TIAM1: variants seen among roughly 807,000 people sequenced by gnomAD.
TIAM1 encodes the protein rho guanine nucleotide exchange factor TIAM1.
Under a neutral mutation model 163.5 loss-of-function variants are expected in TIAM1, and 65 were observed. The ratio of observed to expected loss-of-function variants is 0.40; its 90% CI spans 0.33 to 0.49. The LOEUF (loss-of-function observed/expected upper bound fraction) is 0.49. TIAM1 is among the 20% of genes least tolerant of loss of function. TIAM1 has a pLI of 0.77. For synonymous variants in TIAM1, 833 were observed against 810.1 expected (o/e 1.03, Z -0.48); for missense variants, 1,789 against 2,044.7 (o/e 0.87, Z 2.41).
intron 11 of TIAM1, among the ~76,000 whole-genome samples, chr21:31,204,560 A>C (rs2086355969): frequency 6.6e-6 from 1 of 152,220 alleles, no homozygotes; most frequent in Non-Finnish European, 1.5e-5. Flanking sequence ...GCATTCCAAT[A>C]ACCATTCCAG....
At chr21:31,245,379 A>T in intron 6 of TIAM1, 109 bp downstream of exon 6, 53 of 747,918 alleles carry the variant, frequency 7.1e-5, no homozygotes, top group East Asian at 3.4e-4. Flanking sequence ...CACTAAAAAA[A>T]AAAAAAAAAA....
chr21:31,415,434 A>G (rs1264387455), intron 2 of TIAM1, among the ~76,000 whole-genome samples: 1 of 152,320 alleles, frequency 6.6e-6, no homozygotes, highest in African/African-American at 2.4e-5. Flanking sequence ...AAAGTCCAGT[A>G]TCCCCCATGT....
intron 4 of TIAM1, among the ~76,000 whole-genome samples, chr21:31,260,436 A>G (rs887191682): frequency 6.6e-5 from 10 of 151,352 alleles, no homozygotes; most frequent in Non-Finnish European, 1.5e-4. Flanking sequence ...CGGGGGTTTC[A>G]CCATGTAGGC....
chr21:31,413,473 T>A (rs929948781), intron 2 of TIAM1, among the ~76,000 whole-genome samples: 1 of 151,830 alleles, frequency 6.6e-6, no homozygotes, highest in African/African-American at 2.4e-5. Context: ...GGTTTCACCG[T>A]GTTAGCCAGG....
In TIAM1 at chr21:31,411,980, C is replaced by T. The variant is rs570454208; in HGVS notation, c.-369+52003G>A. On this transcript the variant is annotated intron_variant, in intron 2 of 28. Transcript: ENST00000286827. ...AATCGTTATATCAGAAAGACACCTG[C>T]ATTTTATATTTATTGCAGCAGGATT... Among the ~76,000 whole-genome samples the T allele has an allele frequency of 5.3e-5, 8 of 151,040 alleles. No individual in the cohort carries two copies. In the South Asian group the frequency reaches 1.7e-3, roughly 32 times the overall value.
rs572739909 is a variant in TIAM1, at chr21:31,151,781, A to C, written c.3366+855T>G. Among the ~76,000 whole-genome samples the C allele has an allele frequency of 7.9e-5, 12 of 152,300 alleles. No homozygotes were observed. In the South Asian group the frequency reaches 2.5e-3, roughly 32 times the overall value. On this transcript the variant is annotated intron_variant, in intron 19 of 27. Coordinates refer to ENST00000541036, the MANE Select transcript of TIAM1 (RefSeq NM_001353694.2). ...ATGAGGGTGACACGTAAGCCAACAC[A>C]TGAAGCAATGTGCTTTGTTAATTGG...
intron 5 of TIAM1, among the ~76,000 whole-genome samples, chr21:31,247,294 G>C (rs986589243): frequency 1.3e-5 from 2 of 152,064 alleles, no homozygotes; most frequent in Non-Finnish European, 2.9e-5. Flanking sequence ...CTGGGCAACA[G>C]AGCAAGACCC....
At chr21:31,508,065 A>G (rs1406095743) in intron 1 of TIAM1, among the ~76,000 whole-genome samples, 1 of 152,220 alleles carries the variant, frequency 6.6e-6, no homozygotes, top group Non-Finnish European at 1.5e-5. Context: ...GACATGGAAG[A>G]CACAGACAGG....
At chr21:31,338,882 C>A (rs1029764990) in intron 2 of TIAM1, among the ~76,000 whole-genome samples, 2 of 152,162 alleles carry the variant, frequency 1.3e-5, no homozygotes, top group African/African-American at 4.8e-5. Context: ...GCCCCCAAAC[C>A]AGCACGTTGA....
intron 12 of TIAM1, among the ~76,000 whole-genome samples, chr21:31,200,917 T>C (rs968987377): frequency 3.3e-5 from 5 of 152,152 alleles, no homozygotes; most frequent in African/African-American, 1.2e-4. Context: ...CAAGAAATAA[T>C]ACCATGGTCT....
chr21:31,156,767 T>C (rs758265684), intron 16 of TIAM1, among the ~76,000 whole-genome samples: 10 of 152,168 alleles, frequency 6.6e-5, no homozygotes, highest in Non-Finnish European at 1.0e-4. Flanking sequence ...GGACAGACAG[T>C]GATAACAGCT....
intron 2 of TIAM1, among the ~76,000 whole-genome samples, chr21:31,427,342 C>G (rs1772980091): frequency 6.6e-6 from 1 of 151,898 alleles, no homozygotes; most frequent in Non-Finnish European, 1.5e-5. Flanking sequence ...AAAAAATTGG[C>G]CGGGCGTGGT....
At position 31,252,171 on chromosome 21, in the gene TIAM1, C is replaced by T; in HGVS notation, c.982G>A (p.Gly328Ser). The change falls in exon 5 of 28, where the codon GGC (glycine) becomes AGC (serine). Residue 328 changes from glycine (G) to serine (S), a missense_variant. Physicochemically the swap from Gly to Ser is moderately conservative, Grantham distance 56. This residue lies in a region of TIAM1 where 555 missense variants were observed against 564.9 expected (regional missense o/e 0.98). Transcript: ENST00000541036. ...ATCCCACTGTCTGCAAACTCACTGCCCTCGCCTGCATTAACATCCTTGGGA... is the reference window on the plus strand; with the variant it reads ...ATCCCACTGTCTGCAAACTCACTGCTCTCGCCTGCATTAACATCCTTGGGA... ...KTTQDVNAGE[G>S]SEFADSGIEG... 1 of 1,606,512 alleles carries T rather than the reference C, an allele frequency of 6.2e-7. No individual in the cohort carries two copies. Among genetic ancestry groups the T allele is most frequent in the Non-Finnish European group, 8.5e-7 (1 of 1,179,716 alleles).
Position 31,334,411 on chromosome 21 carries a change from G to A in TIAM1, c.-189+4832C>T, listed in dbSNP as rs564926399. Among the ~76,000 whole-genome samples, 6 of 151,940 alleles carry A rather than the reference G, an allele frequency of 3.9e-5. No homozygotes were observed. The South Asian group carries it at 6.2e-4, about 16-fold the overall frequency. On this transcript the variant is annotated intron_variant, in intron 2 of 27. Coordinates refer to ENST00000541036, the MANE Select transcript of TIAM1 (RefSeq NM_001353694.2). ...GGGATTCTCCCCCTGCTCAGCCTCC[G>A]GAATCGATGGGATTTTATGCAGGAA...
chr21:31,367,071 T>A (rs1219720972), intron 2 of TIAM1, among the ~76,000 whole-genome samples: 2 of 149,140 alleles, frequency 1.3e-5, no homozygotes, highest in East Asian at 4.0e-4. Flanking sequence ...TCCAGAAACA[T>A]AATTGCAATC....
intron 20 of TIAM1, among the ~76,000 whole-genome samples, chr21:31,144,890 T>C (rs2083039491): frequency 6.6e-6 from 1 of 150,994 alleles, no homozygotes; most frequent in African/African-American, 2.4e-5. Context: ...CCCACTGTTT[T>C]AAGGGATAGT....
At chr21:31,357,040 C>T (rs1203447822) in intron 2 of TIAM1, among the ~76,000 whole-genome samples, 1 of 152,196 alleles carries the variant, frequency 6.6e-6, no homozygotes, top group Non-Finnish European at 1.5e-5. Context: ...CCTCCCTCAA[C>T]TCCCTGGCCC....
intron 15 of TIAM1, among the ~76,000 whole-genome samples, chr21:31,175,513 T>C (rs915494426): frequency 2.6e-5 from 4 of 152,184 alleles, no homozygotes; most frequent in Admixed American, 6.5e-5. Flanking sequence ...ATTCCATTTA[T>C]TTTTTCTTGG....
intron 4 of TIAM1, among the ~76,000 whole-genome samples, chr21:31,260,906 G>A (rs924388694): frequency 2.6e-5 from 4 of 152,224 alleles, no homozygotes; most frequent in East Asian, 1.9e-4. Context: ...TAAGGAAAAC[G>A]TCCACATTTT....
Sources: gnomAD v4.1 joint callset for allele counts (sites outside exome capture counted in the v4.1 genomes callset) on GRCh38, gnomAD v4.1.1 for gene constraint, gnomAD v4.1.1 regional missense constraint, MANE v1.5 for transcripts, NCBI Gene and HGNC (gene_info 2026-07-23, HGNC 2026-07-21) for gene names.